The following ZC3H18 variants were observed in gnomAD, a reference collection of about 807,000 sequenced individuals.
ZC3H18 encodes zinc finger CCCH domain-containing protein 18.
Under a neutral mutation model 106.1 loss-of-function variants are expected in ZC3H18, and 8 were observed. The ratio of observed to expected loss-of-function variants is 0.08; its 90% confidence interval spans 0.04 to 0.14. The LOEUF is 0.14. ZC3H18 is among the 10% of genes least tolerant of loss of function. The probability of loss-of-function intolerance (pLI) is 1.00; values close to 1 mark genes in which losing one functional copy is unlikely to be tolerated. For missense variants in ZC3H18, 1,318 were observed against 1,278.4 expected, an observed-to-expected ratio of 1.03 and a Z score of -0.47; for synonymous variants, 635 against 522.1, an observed-to-expected ratio of 1.22 and a Z score of -2.95.
At position 88,624,597 on chromosome 16, in the gene ZC3H18, C is replaced by T; in HGVS notation, c.1899-5C>T. 6.2e-7 allele frequency: 1 copy of T among 1,613,736 alleles called. No homozygotes were observed. The highest frequency in any genetic ancestry group is 1.1e-5 in the South Asian group (1 of 91,080). On this transcript the variant is annotated splice_region_variant and splice_polypyrimidine_tract_variant and intron_variant, in intron 11 of 17. Transcript: ENST00000301011. ...CTGCCCTGCTCGAGCCTCCCTGTCT[C>T]ACAGAGAGAAGTCAGTGAAGAAGCC...
chr16:88,592,066 G>A (rs537722566), intron 3 of ZC3H18, among the ~76,000 whole-genome samples: 1 of 152,250 alleles, frequency 6.6e-6, no homozygotes, highest in African/African-American at 2.4e-5. Context: ...TGACCTGGTG[G>A]TTGTATGTTT....
chr16:88,621,182 T>A (rs1905933509), intron 8 of ZC3H18, among the ~76,000 whole-genome samples: 1 of 151,628 alleles, frequency 6.6e-6, no homozygotes, highest in African/African-American at 2.4e-5. Flanking sequence ...GTAGCTGGGA[T>A]TACAGGCGCC....
intron 3 of ZC3H18, among the ~76,000 whole-genome samples, chr16:88,588,187 G>T (rs149051570): frequency 6.6e-6 from 1 of 152,176 alleles, no homozygotes. Context: ...AATAGTGTGG[G>T]AATTAACAAC....
At chr16:88,582,510 C>T (rs1915197102) in intron 2 of ZC3H18, among the ~76,000 whole-genome samples, 1 of 152,170 alleles carries the variant, frequency 6.6e-6, no homozygotes, top group Non-Finnish European at 1.5e-5. Flanking sequence ...GCAGAAGATT[C>T]TTCAGCGAGC....
intron 2 of ZC3H18, 82 bp downstream of exon 2, chr16:88,577,808 T>C (rs1914859432): frequency 6.2e-7 from 1 of 1,602,412 alleles, no homozygotes. Context: ...AGGGACTCTG[T>C]GTGGGACTGA....
chr16:88,611,124 C>T (rs1202458649), intron 7 of ZC3H18, 144 bp from the exon 8 acceptor site: 6 of 677,192 alleles, frequency 8.9e-6, no homozygotes, highest in African/African-American at 1.8e-5. Flanking sequence ...GTCGGGAGCA[C>T]TTGGCGTTTT....
At chr16:88,598,406 T>C (rs901968350) in intron 4 of ZC3H18, 80 bp downstream of exon 4, 16 of 1,538,128 alleles carry the variant, frequency 1.0e-5, no homozygotes, top group Admixed American at 2.1e-5. Context: ...GACAAGTCAC[T>C]GTGCCTTAGC....
At chr16:88,615,339 C>G (rs1905532162) in intron 8 of ZC3H18, among the ~76,000 whole-genome samples, 2 of 152,206 alleles carry the variant, frequency 1.3e-5, no homozygotes, top group South Asian at 4.1e-4. Context: ...AGCCTGCTTT[C>G]TTGTTCCTCA....
intron 10 of ZC3H18, 171 bp from the exon 11 acceptor site, chr16:88,623,787 T>C: frequency 1.6e-6 from 2 of 1,276,360 alleles, no homozygotes; most frequent in Non-Finnish European, 2.1e-6. Flanking sequence ...TGGTCTACTC[T>C]GGGCCTGTGT....
chr16:88,601,713 C>G (rs1430527335), intron 6 of ZC3H18, among the ~76,000 whole-genome samples: 1 of 152,134 alleles, frequency 6.6e-6, no homozygotes, highest in Non-Finnish European at 1.5e-5. Context: ...TGTCTGAAAG[C>G]CAGGTATTTC....
At chr16:88,606,217 A>G (rs1905002979) in intron 6 of ZC3H18, among the ~76,000 whole-genome samples, 1 of 152,240 alleles carries the variant, frequency 6.6e-6, no homozygotes, top group Non-Finnish European at 1.5e-5. Context: ...AAATTGAATT[A>G]AATACCTTCC....
At chr16:88,587,565 C>A in intron 3 of ZC3H18, 4 of 1,535,564 alleles carry the variant, frequency 2.6e-6, no homozygotes, top group South Asian at 1.2e-5. Flanking sequence ...ATTATCCACT[C>A]TTCTTCCACC....
Position 88,577,494 on chromosome 16 carries a change from A to G in ZC3H18, c.371A>G (p.Asp124Gly). The G allele has an allele frequency of 6.2e-7, 1 of 1,612,978 alleles. No individual in the cohort carries two copies. The highest frequency in any genetic ancestry group is 8.5e-7 in the Non-Finnish European group (1 of 1,179,814). The change falls in exon 2 of 18, where the codon GAT becomes GGT. Residue 124 changes from aspartate to glycine, a missense_variant. Around this residue, in one of 6 missense-constraint regions of ZC3H18, gnomAD observed 346 missense variants for 269.0 expected, o/e 1.29. Coordinates refer to ENST00000301011, the MANE Select transcript of ZC3H18 (RefSeq NM_144604.4). ...DEASSVTREL[D>G]EHELDYDEEV... ...GCCTCCTCAGTCACCAGGGAGCTGG[A>G]TGAGCATGAGCTAGACTACGATGAG...
intron 7 of ZC3H18, among the ~76,000 whole-genome samples, chr16:88,610,681 A>G (rs1258382526): frequency 6.6e-6 from 1 of 152,232 alleles, no homozygotes; most frequent in Non-Finnish European, 1.5e-5. Flanking sequence ...TGAATGAGTA[A>G]GAGCAGAGGA....
At chr16:88,606,191 A>G (rs1430239303) in intron 6 of ZC3H18, among the ~76,000 whole-genome samples, 6 of 152,240 alleles carry the variant, frequency 3.9e-5, no homozygotes. Context: ...GATACTGCCC[A>G]GTAGCATTTA....
At chr16:88,618,603 G>A (rs1319543395) in intron 8 of ZC3H18, among the ~76,000 whole-genome samples, 1 of 152,226 alleles carries the variant, frequency 6.6e-6, no homozygotes, top group Admixed American at 6.5e-5. Context: ...CATGAGCTAT[G>A]AGTGTGCCAG....
chr16:88,631,353 T>G lies in ZC3H18; in HGVS notation c.*54T>G, dbSNP rs929490129. 6.5e-7 allele frequency: 1 copy of G among 1,547,008 alleles called. No homozygotes were observed. The highest frequency in any genetic ancestry group is 8.7e-7 in the Non-Finnish European group (1 of 1,144,444). On this transcript the variant is annotated 3_prime_UTR_variant, in exon 18 of 18. Coordinates refer to ENST00000301011, the MANE Select transcript of ZC3H18 (RefSeq NM_144604.4). ...TTTATACATAGGGTAAGCGCAGCCA[T>G]TTTGGATTTTGCAGTTAATGTCTTA...
chr16:88,585,931 C>T (rs1338770113), intron 2 of ZC3H18, among the ~76,000 whole-genome samples: 3 of 151,998 alleles, frequency 2.0e-5, no homozygotes, highest in South Asian at 2.1e-4. Flanking sequence ...CTGGTGCCCA[C>T]GTGGGCTGGG....
intron 1 of ZC3H18, among the ~76,000 whole-genome samples, chr16:88,575,307 A>C (rs1329713586): frequency 1.3e-5 from 2 of 152,104 alleles, no homozygotes; most frequent in African/African-American, 4.8e-5. Flanking sequence ...TACAAGACAT[A>C]TAAATGTGTA....
Sources: allele counts gnomAD v4.1 joint callset (sites outside exome capture counted in the v4.1 genomes callset), GRCh38; gene constraint gnomAD v4.1.1; regional missense constraint gnomAD v4.1.1; transcripts MANE v1.5; gene names NCBI Gene and HGNC (gene_info 2026-07-23, HGNC 2026-07-21).